The following ERC2 variants were observed in gnomAD, a reference collection of about 807,000 sequenced individuals.
ERC2 encodes the protein ERC protein 2.
Under a neutral mutation model 114.8 loss-of-function variants are expected in ERC2, and 42 were observed. The observed-to-expected ratio is 0.37, with a 90% CI of 0.29 to 0.47. The LOEUF is 0.47. ERC2 is among the 20% of genes least tolerant of loss of function. The pLI is 0.99. For missense variants in ERC2, 939 were observed against 1,150.7 expected, an observed-to-expected ratio of 0.82 and a Z score of 2.66; for synonymous variants, 454 against 425.5, an observed-to-expected ratio of 1.07 and a Z score of -0.82.
At chr3:56,415,345 T>A (rs2061108239) in intron 2 of ERC2, among the ~76,000 whole-genome samples, 1 of 152,188 alleles carries the variant, frequency 6.6e-6, no homozygotes, top group African/African-American at 2.4e-5. Context: ...ATTTCCAAAT[T>A]TACAAAATAT....
intron 10 of ERC2, among the ~76,000 whole-genome samples, chr3:55,996,940 A>G (rs934418434): frequency 4.6e-5 from 7 of 152,374 alleles, no homozygotes; most frequent in African/African-American, 1.7e-4. Flanking sequence ...GTCAAGTATC[A>G]AAATCATACG....
rs181445389 is a variant in ERC2 at position 56,380,998 on chromosome 3, T to C, written c.657+53353A>G. Among the ~76,000 whole-genome samples, 319 of 152,320 alleles carry C rather than the reference T, an allele frequency of 2.1e-3. 4 individuals carry two copies. Among genetic ancestry groups the C allele is most frequent in the South Asian group, 0.018 (87 of 4,826 alleles). ...AGAAAAACACTTCCATTTGCGTCAA[T>C]GTCTTTGTTTTTCATCCATCAGTCT... On this transcript the variant is annotated intron_variant, in intron 2 of 17. Transcript: ENST00000288221.
At chr3:55,775,050 T>C (rs1174544515) in intron 14 of ERC2, among the ~76,000 whole-genome samples, 1 of 152,194 alleles carries the variant, frequency 6.6e-6, no homozygotes, top group Non-Finnish European at 1.5e-5. Context: ...TGTGGGAGTC[T>C]TTCCACAGCA....
At chr3:55,938,835 A>C (rs2066608193) in intron 13 of ERC2, among the ~76,000 whole-genome samples, 1 of 152,200 alleles carries the variant, frequency 6.6e-6, no homozygotes, top group African/African-American at 2.4e-5. Flanking sequence ...AGCAGAAAAA[A>C]AGGTAAAATT....
At chr3:56,283,956 C>T (rs563714812) in intron 3 of ERC2, among the ~76,000 whole-genome samples, 1 of 152,318 alleles carries the variant, frequency 6.6e-6, no homozygotes, top group East Asian at 1.9e-4. Context: ...ACTCCAAGAA[C>T]AGAACCCCTG....
intron 1 of ERC2, among the ~76,000 whole-genome samples, chr3:56,440,505 G>A (rs572186268): frequency 1.6e-4 from 24 of 147,410 alleles, no homozygotes; most frequent in Middle Eastern, 3.8e-3. Flanking sequence ...CCAAGATCAC[G>A]CCACTGAACT....
chr3:55,748,746 C>G (rs2066471427), intron 14 of ERC2, among the ~76,000 whole-genome samples: 1 of 152,142 alleles, frequency 6.6e-6, no homozygotes, highest in South Asian at 2.1e-4. Context: ...ATCCCGAATG[C>G]CTAGTATAAT....
intron 13 of ERC2, among the ~76,000 whole-genome samples, chr3:55,942,507 C>T (rs1490702011): frequency 6.6e-6 from 1 of 150,600 alleles, no homozygotes; most frequent in African/African-American, 2.4e-5. Flanking sequence ...CCGTTTTAGC[C>T]GGGATGGTCT....
intron 14 of ERC2, among the ~76,000 whole-genome samples, chr3:55,864,229 ATG>A (rs72144317): frequency 0.092 from 13,437 of 146,100 alleles, 728 homozygotes; most frequent in South Asian, 0.15. Context: ...ACACATATAT[ATG>A]TGTGTGTGTG....
intron 17 of ERC2, among the ~76,000 whole-genome samples, chr3:55,598,022 C>G (rs933198434): frequency 6.6e-6 from 1 of 152,190 alleles, no homozygotes; most frequent in Non-Finnish European, 1.5e-5. Flanking sequence ...AACGACAGAG[C>G]CTGATTTCTG....
In ERC2 at chr3:56,153,631, C is replaced by T. The variant is rs113842287; in HGVS notation, c.1150-4499G>A. Among the ~76,000 whole-genome samples the T allele has an allele frequency of 3.5e-3, 533 of 152,272 alleles. 1 individual carries two copies. Among genetic ancestry groups the T allele is most frequent in the African/African-American group, 0.012 (511 of 41,568 alleles). ...TTTGCTAGTCAGGATGCCATTAGTA[C>T]TCTTTTTGTGTTTTCAAACAGTATG... On this transcript the variant is annotated intron_variant, in intron 4 of 17. Transcript: ENST00000288221.
chr3:55,778,536 T>G (rs761228918), intron 14 of ERC2, among the ~76,000 whole-genome samples: 1 of 152,196 alleles, frequency 6.6e-6, no homozygotes, highest in Non-Finnish European at 1.5e-5. Flanking sequence ...GGGATTCATA[T>G]AATTATGAAA....
At chr3:56,158,963 T>G (rs980143971) in intron 4 of ERC2, among the ~76,000 whole-genome samples, 2 of 152,182 alleles carry the variant, frequency 1.3e-5, no homozygotes, top group African/African-American at 4.8e-5. Flanking sequence ...AGGTGGGGCC[T>G]GCAAGGAGGT....
At chr3:56,115,215 C>T (rs560228979) in intron 6 of ERC2, among the ~76,000 whole-genome samples, 83 of 152,254 alleles carry the variant, frequency 5.5e-4, no homozygotes, top group African/African-American at 1.8e-3. Flanking sequence ...GATGAATTGG[C>T]TCTATATGGG....
At chr3:56,210,464 C>T (rs1238756172) in intron 3 of ERC2, among the ~76,000 whole-genome samples, 1 of 152,172 alleles carries the variant, frequency 6.6e-6, no homozygotes, top group Non-Finnish European at 1.5e-5. Context: ...GTACTAAATA[C>T]TACATTTTAT....
intron 14 of ERC2, among the ~76,000 whole-genome samples, chr3:55,810,749 C>T (rs1167332484): frequency 1.3e-5 from 2 of 152,170 alleles, no homozygotes; most frequent in African/African-American, 4.8e-5. Context: ...CGTGAGCCAC[C>T]ACACTTGGCC....
At chr3:56,235,647 A>AT (rs1238649536) in intron 3 of ERC2, among the ~76,000 whole-genome samples, 1 of 152,154 alleles carries the variant, frequency 6.6e-6, no homozygotes, top group Non-Finnish European at 1.5e-5. Context: ...TTTTCATCCC[A>AT]TTTATGCTGC....
intron 4 of ERC2, among the ~76,000 whole-genome samples, chr3:56,161,526 G>C (rs2082045600): frequency 6.6e-6 from 1 of 152,124 alleles, no homozygotes; most frequent in East Asian, 1.9e-4. Flanking sequence ...TCCACTCTAT[G>C]AGCATGGAAT....
At chr3:55,762,826 G>A (rs2067537714) in intron 14 of ERC2, among the ~76,000 whole-genome samples, 1 of 152,202 alleles carries the variant, frequency 6.6e-6, no homozygotes, top group Admixed American at 6.5e-5. Context: ...TGATTGTGTG[G>A]AGGAGAGACC....
Sources: allele counts gnomAD v4.1 joint callset (sites outside exome capture counted in the v4.1 genomes callset), GRCh38; gene constraint gnomAD v4.1.1; transcripts MANE v1.5; gene names NCBI Gene and HGNC (gene_info 2026-07-23, HGNC 2026-07-21).